SMYD1: variants seen among roughly 807,000 people sequenced by gnomAD.
The protein encoded by SMYD1 is histone-lysine N-methyltransferase SMYD1.
SMYD1 carries 49 observed loss-of-function variants against 54.0 expected under a neutral mutation model. That is an observed-to-expected ratio of 0.91 (90% CI 0.72 to 1.15). The LOEUF (loss-of-function observed/expected upper bound fraction) is 1.15, where lower values mean the gene tolerates loss of function less well. Ranked by LOEUF, SMYD1 falls within the 50% of genes most tolerant of loss-of-function variation. The pLI is 0.00. For synonymous variants in SMYD1, 269 were observed against 234.2 expected (o/e 1.15, Z -1.36); for missense variants, 653 against 639.6 (o/e 1.02, Z -0.23).
intron 7 of SMYD1, among the ~76,000 whole-genome samples, chr2:88,105,372 C>G (rs927275362): frequency 6.2e-5 from 9 of 145,940 alleles, no homozygotes; most frequent in African/African-American, 2.3e-4. Context: ...TATGCGCATG[C>G]ATATATACAC....
intron 1 of SMYD1, among the ~76,000 whole-genome samples, chr2:88,079,141 A>G (rs1245109184): frequency 6.6e-6 from 1 of 152,248 alleles, no homozygotes; most frequent in Non-Finnish European, 1.5e-5. Context: ...AAGGCTTGAT[A>G]AAATGATTAT....
At chr2:88,083,957 G>C (rs1052128069) in intron 1 of SMYD1, among the ~76,000 whole-genome samples, 1 of 152,204 alleles carries the variant, frequency 6.6e-6, no homozygotes, top group African/African-American at 2.4e-5. Context: ...AGCTGGGTGT[G>C]GTGGCACATG....
At position 88,110,675 on chromosome 2, in the gene SMYD1, A is replaced by T; in HGVS notation, c.*163A>T. 1.3e-6 allele frequency: 1 copy of T among 781,266 alleles called. No individual in the cohort carries two copies. The highest frequency in any genetic ancestry group is 1.9e-6 in the Non-Finnish European group (1 of 522,210). 48.4% of individuals were successfully genotyped at this position (781,266 alleles called of 1,614,324 possible). A position where few individuals can be genotyped will look rare whatever the true frequency, so the allele number is the denominator to read the frequency against. The stretch of plus-strand genomic sequence containing the variant: ...TGTTTCCCAGAGCCATTTTGGCTCA[A>T]TTCAAGTCTATTCAATTCAAGTTAA... On this transcript the variant is annotated 3_prime_UTR_variant, in exon 10 of 10. Transcript: ENST00000419482.
rs753782006 is a variant in SMYD1 at position 88,108,480 on chromosome 2, G to T, written c.1255G>T (p.Ala419Ser). The stretch of plus-strand genomic sequence containing the variant: ...GGTGGGGCACGGGATGATCTGCAAA[G>T]CCTATGCCATTCTCCTGGTGACACA... ...IEVGHGMICK[A>S]YAILLVTHGP... Residue 419 changes from alanine (A) to serine (S), a missense_variant, in exon 9 of 10, where the codon GCC (alanine) becomes TCC (serine). By Grantham distance (99) the Ala-to-Ser change is moderately conservative. Transcript: ENST00000419482. The T allele has an allele frequency of 1.9e-6, 3 of 1,611,726 alleles. No homozygotes were observed. Among genetic ancestry groups the T allele is most frequent in the Non-Finnish European group, 2.5e-6 (3 of 1,179,100 alleles).
At chr2:88,074,929 C>T (rs1045130415) in intron 1 of SMYD1, among the ~76,000 whole-genome samples, 3 of 152,116 alleles carry the variant, frequency 2.0e-5, no homozygotes, top group African/African-American at 7.2e-5. Flanking sequence ...CAGGATCAGC[C>T]CTGGCAGACA....
chr2:88,086,528 C>T (rs563237183), intron 2 of SMYD1, among the ~76,000 whole-genome samples: 172 of 152,278 alleles, frequency 1.1e-3, no homozygotes, highest in African/African-American at 3.9e-3. Context: ...TCCTCCTGTC[C>T]CACCTGGCCT....
chr2:88,105,712 C>A (rs945788815), intron 7 of SMYD1, among the ~76,000 whole-genome samples: 3 of 151,940 alleles, frequency 2.0e-5, no homozygotes, highest in African/African-American at 7.3e-5. Context: ...CTGAGGTGGG[C>A]GGATTGCCTG....
intron 2 of SMYD1, 52 bp from the exon 3 acceptor site, chr2:88,087,810 T>C: frequency 1.4e-6 from 2 of 1,450,372 alleles, no homozygotes; most frequent in African/African-American, 1.4e-5. Context: ...TAAATGTGTG[T>C]TGAAGGAATG....
chr2:88,096,893 C>G, intron 6 of SMYD1, 109 bp downstream of exon 6: 1 of 1,101,368 alleles, frequency 9.1e-7, no homozygotes, highest in Non-Finnish European at 1.3e-6. Context: ...TCCTAGGGAG[C>G]AACTGTCACC....
rs755324631 is a variant in SMYD1, at chr2:88,106,420, G to A, written c.1077G>A (p.Glu359=). Residue 359 remains glutamate, a synonymous_variant, in exon 8 of 10, where the codon GAG becomes GAA. Transcript: ENST00000419482. ...TGCGGATGCTGAGCATTGTTTCGGA[G>A]GTCCTTTCCTACCTCCAGGCCTTTG... ...YMLRMLSIVS[E]VLSYLQAFEE... 9.3e-6 allele frequency: 15 copies of A among 1,614,038 alleles called. No homozygotes were observed. In the Admixed American group the frequency reaches 2.5e-4, roughly 27 times the overall value.
chr2:88,073,732 A>G (rs759792106), intron 1 of SMYD1, among the ~76,000 whole-genome samples: 2 of 152,242 alleles, frequency 1.3e-5, no homozygotes, highest in Non-Finnish European at 2.9e-5. Flanking sequence ...CCTCATCCCA[A>G]TACTGGCCAA....
In SMYD1 at chr2:88,111,450, G is replaced by C. The variant is rs1158888338; in HGVS notation, c.*938G>C. 2.0e-5 allele frequency: 3 copies of C among 152,280 alleles called. No individual in the cohort carries two copies. Among genetic ancestry groups the C allele is most frequent in the Non-Finnish European group, 2.9e-5 (2 of 68,078 alleles). 9.4% of individuals were successfully genotyped at this position (152,280 alleles called of 1,614,324 possible). ...GTTGATCATGGGCCCTGCAGAATTGGCCCTTGGGGGCTTTATTTGGTTACA... is the reference window on the plus strand; with the variant it reads ...GTTGATCATGGGCCCTGCAGAATTGCCCCTTGGGGGCTTTATTTGGTTACA... On this transcript the variant is annotated 3_prime_UTR_variant, in exon 10 of 10. Coordinates refer to ENST00000419482, the MANE Select transcript of SMYD1 (RefSeq NM_198274.4).
chr2:88,088,027 G>T lies in SMYD1; in HGVS notation c.480G>T (p.Pro160=). The change falls in exon 3 of 10, where the codon CCG becomes CCT. Residue 160 remains proline (P), a synonymous_variant. Transcript: ENST00000419482. ...ACACATTCTTGCAGTACTGGCCGCC[G>T]CAGAGCCAGCAGTTCAGCATGCAGT... ...DVDTFLQYWP[P]QSQQFSMQYI... 2.5e-6 allele frequency: 4 copies of T among 1,614,086 alleles called. No homozygotes were observed. Among genetic ancestry groups the T allele is most frequent in the Non-Finnish European group, 3.4e-6 (4 of 1,180,016 alleles).
intron 1 of SMYD1, among the ~76,000 whole-genome samples, chr2:88,072,316 A>G (rs1199479478): frequency 6.6e-6 from 1 of 152,068 alleles, no homozygotes; most frequent in Non-Finnish European, 1.5e-5. Flanking sequence ...ACACCCAGCT[A>G]ATTTTTGTAT....
At chr2:88,086,276 T>TA (rs1014232481) in intron 2 of SMYD1, among the ~76,000 whole-genome samples, 1 of 151,922 alleles carries the variant, frequency 6.6e-6, no homozygotes, top group Middle Eastern at 3.4e-3. Flanking sequence ...AAATTTCAAT[T>TA]AAAAAAAATG....
chr2:88,073,033 G>C (rs1430526499), intron 1 of SMYD1, among the ~76,000 whole-genome samples: 1 of 152,042 alleles, frequency 6.6e-6, no homozygotes, highest in Non-Finnish European at 1.5e-5. Context: ...GTACCCTATA[G>C]GTAGCTTTTC....
chr2:88,075,210 G>A (rs988044793), intron 1 of SMYD1, among the ~76,000 whole-genome samples: 1 of 152,200 alleles, frequency 6.6e-6, no homozygotes, highest in Non-Finnish European at 1.5e-5. Flanking sequence ...TACACAACCT[G>A]TTGTGAGCTG....
intron 7 of SMYD1, among the ~76,000 whole-genome samples, chr2:88,103,730 C>T (rs1006539194): frequency 2.6e-5 from 4 of 152,038 alleles, no homozygotes; most frequent in Non-Finnish European, 5.9e-5. Context: ...TAACCAAAGC[C>T]GAGACCCACT....
rs9679066 is a variant in SMYD1, at chr2:88,076,315, C to A, written c.138-8001C>A. Among the ~76,000 whole-genome samples the A allele has an allele frequency of 9.3e-4, 142 of 152,122 alleles. 1 individual carries two copies. The highest frequency in any genetic ancestry group is 3.4e-3 in the African/African-American group (139 of 41,490). On this transcript the variant is annotated intron_variant, in intron 1 of 9. Transcript: ENST00000419482. ...CCGCAAGCTCCGCCTCCTGGGTTCACGCGATTCTCCTGCCTCAGCTTCCCG... is the reference window on the plus strand; with the variant it reads ...CCGCAAGCTCCGCCTCCTGGGTTCAAGCGATTCTCCTGCCTCAGCTTCCCG...
Sources: gnomAD v4.1 joint callset for allele counts (sites outside exome capture counted in the v4.1 genomes callset) on GRCh38, gnomAD v4.1.1 for gene constraint, MANE v1.5 for transcripts, NCBI Gene and HGNC (gene_info 2026-07-23, HGNC 2026-07-21) for gene names.